The following SHISA6 variants were observed in gnomAD, a reference collection of about 807,000 sequenced individuals.
The protein encoded by SHISA6 is protein shisa-6.
SHISA6 carries 22 observed loss-of-function variants against 47.9 expected under a neutral mutation model. The observed-to-expected ratio is 0.46, with a 90% confidence interval of 0.33 to 0.66. SHISA6 has a LOEUF of 0.66. Ranked by LOEUF, SHISA6 falls within the 30% of genes least tolerant of loss-of-function variation. The probability of loss-of-function intolerance (pLI) is 0.02; values close to 1 mark genes in which losing one functional copy is unlikely to be tolerated. For synonymous variants in SHISA6, 388 were observed against 337.8 expected (o/e 1.15, Z -1.63); for missense variants, 680 against 764.6 (o/e 0.89, Z 1.30).
intron 3 of SHISA6, among the ~76,000 whole-genome samples, chr17:11,404,695 A>G (rs928659764): frequency 2.0e-5 from 3 of 152,140 alleles, no homozygotes; most frequent in Non-Finnish European, 2.9e-5. Context: ...AATGTACACT[A>G]CACCCCCACG....
chr17:11,519,751 C>T (rs2071613701), intron 3 of SHISA6, among the ~76,000 whole-genome samples: 1 of 152,148 alleles, frequency 6.6e-6, no homozygotes, highest in Non-Finnish European at 1.5e-5. Flanking sequence ...GTCTGGTTTC[C>T]ACCTCCCCCA....
intron 2 of SHISA6, among the ~76,000 whole-genome samples, chr17:11,282,950 C>T (rs1193288360): frequency 6.6e-6 from 1 of 152,186 alleles, no homozygotes; most frequent in Non-Finnish European, 1.5e-5. Flanking sequence ...AATAGGTTTA[C>T]ATTAAAAAAC....
intron 3 of SHISA6, among the ~76,000 whole-genome samples, chr17:11,469,018 CAAAAAAAAA>C (rs61191316): frequency 2.2e-5 from 1 of 46,068 alleles, no homozygotes; most frequent in African/African-American, 8.0e-5. Flanking sequence ...GACTCCGTCT[CAAAAAAAAA>C]AAAAAAAAAA....
intron 2 of SHISA6, among the ~76,000 whole-genome samples, chr17:11,299,654 C>T (rs529801808): frequency 1.4e-4 from 21 of 152,192 alleles, no homozygotes; most frequent in African/African-American, 4.3e-4. Flanking sequence ...CATTGGCTTA[C>T]GGTCCTTTCC....
chr17:11,272,970 C>T (rs1567556715), intron 2 of SHISA6, among the ~76,000 whole-genome samples: 1 of 152,204 alleles, frequency 6.6e-6, no homozygotes, highest in Non-Finnish European at 1.5e-5. Context: ...GTTGTAGACA[C>T]TCGTGCCCCT....
At chr17:11,279,997 G>A (rs1010991005) in intron 2 of SHISA6, among the ~76,000 whole-genome samples, 1 of 152,166 alleles carries the variant, frequency 6.6e-6, no homozygotes, top group African/African-American at 2.4e-5. Flanking sequence ...CCTCAGGTCT[G>A]TGGGCTCGAG....
At chr17:11,485,105 A>G (rs1420705390) in intron 3 of SHISA6, among the ~76,000 whole-genome samples, 1 of 152,202 alleles carries the variant, frequency 6.6e-6, no homozygotes, top group Non-Finnish European at 1.5e-5. Flanking sequence ...GTTCTTCTAA[A>G]AGTACAATCA....
intron 2 of SHISA6, among the ~76,000 whole-genome samples, chr17:11,272,375 C>G (rs997870267): frequency 6.6e-6 from 1 of 152,130 alleles, no homozygotes; most frequent in Non-Finnish European, 1.5e-5. Context: ...GCTCCCTGCC[C>G]GGGGGCCTTT....
chr17:11,395,199 A>G (rs1913529162), intron 3 of SHISA6, among the ~76,000 whole-genome samples: 2 of 151,828 alleles, frequency 1.3e-5, no homozygotes, highest in Admixed American at 6.6e-5. Flanking sequence ...CAGAAAAATT[A>G]TCATTGATAC....
chr17:11,302,805 G>A (rs1194966870), intron 2 of SHISA6, among the ~76,000 whole-genome samples: 2 of 151,782 alleles, frequency 1.3e-5, no homozygotes, highest in African/African-American at 4.8e-5. Context: ...CCCTACCCAG[G>A]GACCGAGGTT....
chr17:11,379,306 C>T, intron 2 of SHISA6, 108 bp from the exon 3 acceptor site: 5 of 606,934 alleles, frequency 8.2e-6, no homozygotes, highest in Non-Finnish European at 1.1e-5. Flanking sequence ...GACTTAGCTG[C>T]TGGTTTGAAA....
chr17:11,312,674 T>C (rs1481270934), intron 2 of SHISA6, among the ~76,000 whole-genome samples: 1 of 152,188 alleles, frequency 6.6e-6, no homozygotes. Flanking sequence ...AGTAATATCA[T>C]AGATGTCCTC....
At chr17:11,370,269 A>G (rs753536541) in intron 2 of SHISA6, among the ~76,000 whole-genome samples, 5 of 152,120 alleles carry the variant, frequency 3.3e-5, no homozygotes, top group Admixed American at 6.6e-5. Flanking sequence ...TCTTAAGATA[A>G]TATCTTACCT....
chr17:11,391,066 A>G (rs776179598), intron 3 of SHISA6, among the ~76,000 whole-genome samples: 4 of 152,158 alleles, frequency 2.6e-5, no homozygotes, highest in Non-Finnish European at 5.9e-5. Flanking sequence ...GAAAAGAAGA[A>G]AGTGACGGGC....
chr17:11,461,396 C>CAAAA (rs778616587), intron 3 of SHISA6, among the ~76,000 whole-genome samples: 2 of 76,630 alleles, frequency 2.6e-5, no homozygotes, highest in Non-Finnish European at 5.3e-5. Flanking sequence ...GACTCCATCT[C>CAAAA]AAAAAAAAAA....
chr17:11,280,999 A>G (rs968272758), intron 2 of SHISA6, among the ~76,000 whole-genome samples: 3 of 152,334 alleles, frequency 2.0e-5, no homozygotes, highest in Admixed American at 1.3e-4. Flanking sequence ...TAAAAATACA[A>G]TTGCTTTTTA....
rs563711148 is a variant in SHISA6 at position 11,508,256 on chromosome 17, T to G, written c.896-43640T>G. Among the ~76,000 whole-genome samples, 96 of 152,294 alleles carry G rather than the reference T, an allele frequency of 6.3e-4. No homozygotes were observed. In the South Asian group the frequency reaches 0.019, roughly 31 times the overall value. The stretch of plus-strand genomic sequence containing the variant: ...TGGGTAACTGACACAGAACACAGAT[T>G]TATTTCTCACTGTTCTGGAGTTTGG... On this transcript the variant is annotated intron_variant, in intron 3 of 5. Coordinates refer to ENST00000441885, the MANE Select transcript of SHISA6 (RefSeq NM_207386.4).
At chr17:11,428,827 C>G (rs1914671317) in intron 3 of SHISA6, among the ~76,000 whole-genome samples, 1 of 148,788 alleles carries the variant, frequency 6.7e-6, no homozygotes, top group Non-Finnish European at 1.5e-5. Context: ...CTCTGTCGCC[C>G]AGGCTGGAGT....
In SHISA6 at chr17:11,241,285, T is replaced by G; in HGVS notation, c.-138T>G. ...CGCCGCCGCCACTGCCGCCCGCGCC[T>G]CGATGGCGCCATCGCCCCGGAGCCG... On this transcript the variant is annotated 5_prime_UTR_variant, in exon 1 of 6. Transcript: ENST00000441885. This position sits in a 1 kb window ranked among gnomAD's most constrained non-coding sequence, Gnocchi z 5.5. 1 of 407,172 alleles carries G rather than the reference T, an allele frequency of 2.5e-6. No homozygotes were observed. Among genetic ancestry groups the G allele is most frequent in the Non-Finnish European group, 3.3e-6 (1 of 303,682 alleles). 25.2% of individuals were successfully genotyped at this position (407,172 alleles called of 1,614,324 possible). A position where few individuals can be genotyped will look rare whatever the true frequency, so the allele number is the denominator to read the frequency against.
Sources: gnomAD v4.1 joint callset for allele counts (sites outside exome capture counted in the v4.1 genomes callset) on GRCh38, gnomAD v4.1.1 for gene constraint, Gnocchi (gnomAD v3.1) non-coding constraint, MANE v1.5 for transcripts, NCBI Gene and HGNC (gene_info 2026-07-23, HGNC 2026-07-21) for gene names.